Variants in NRG3 observed in about 807,000 individuals in gnomAD.
NRG3 encodes neuregulin 3, also known as pro-neuregulin-3, membrane-bound isoform.
NRG3 carries 31 observed loss-of-function variants against 66.9 expected under a neutral mutation model. That is an observed-to-expected ratio of 0.46 (90% confidence interval 0.35 to 0.63). The LOEUF (loss-of-function observed/expected upper bound fraction) is 0.63, where lower values mean the gene tolerates loss of function less well. NRG3 is among the 20% of genes least tolerant of loss of function. NRG3 has a pLI of 0.00. For missense variants in NRG3, 910 were observed against 878.9 expected (o/e 1.04, Z -0.45); for synonymous variants, 393 against 359.4 (o/e 1.09, Z -1.06).
At chr10:82,886,047 G>T (rs1165627849) in intron 4 of NRG3, among the ~76,000 whole-genome samples, 1 of 151,850 alleles carries the variant, frequency 6.6e-6, no homozygotes, top group African/African-American at 2.4e-5. Flanking sequence ...AATTTTTTTA[G>T]TAGAGACAGA....
intron 1 of NRG3, among the ~76,000 whole-genome samples, chr10:82,234,944 T>C (rs1398098820): frequency 6.6e-6 from 1 of 152,274 alleles, no homozygotes; most frequent in African/African-American, 2.4e-5. Flanking sequence ...GTATTTCTTA[T>C]TTTGGCAGAA....
chr10:82,311,201 T>G (rs887090225), intron 1 of NRG3, among the ~76,000 whole-genome samples: 2 of 152,224 alleles, frequency 1.3e-5, no homozygotes, highest in African/African-American at 4.8e-5. Flanking sequence ...TGCCTAGTAG[T>G]AAAGAGGAAG....
intron 2 of NRG3, among the ~76,000 whole-genome samples, chr10:82,459,052 A>G (rs2091397688): frequency 6.6e-6 from 1 of 152,126 alleles, no homozygotes; most frequent in African/African-American, 2.4e-5. Flanking sequence ...CTCCATCACC[A>G]TGGCAGGGCT....
At chr10:82,230,837 C>A (rs1442683098) in intron 1 of NRG3, among the ~76,000 whole-genome samples, 1 of 151,914 alleles carries the variant, frequency 6.6e-6, no homozygotes, top group Non-Finnish European at 1.5e-5. Flanking sequence ...AATTCTTCAT[C>A]TTTTATAGCT....
At chr10:82,251,695 G>A (rs540285677) in intron 1 of NRG3, among the ~76,000 whole-genome samples, 22 of 152,154 alleles carry the variant, frequency 1.4e-4, no homozygotes, top group Non-Finnish European at 2.8e-4. Flanking sequence ...AGGTGCCTTT[G>A]TTTAAATCGA....
chr10:82,150,826 C>T (rs573171540), intron 1 of NRG3, among the ~76,000 whole-genome samples: 2 of 152,116 alleles, frequency 1.3e-5, no homozygotes, highest in Admixed American at 6.6e-5. Context: ...TTTTTCTAAG[C>T]CTAGGACATT....
intron 2 of NRG3, among the ~76,000 whole-genome samples, chr10:82,471,125 A>T (rs184627203): frequency 1.2e-4 from 18 of 152,244 alleles, no homozygotes; most frequent in Non-Finnish European, 2.5e-4. Flanking sequence ...AGGCACACAG[A>T]CACTTCGAAG....
At chr10:82,980,368 T>C (rs548063758) in intron 8 of NRG3, among the ~76,000 whole-genome samples, 1 of 152,286 alleles carries the variant, frequency 6.6e-6, no homozygotes, top group East Asian at 1.9e-4. Context: ...TGTTATAATT[T>C]TTTCAGCAAT....
intron 2 of NRG3, among the ~76,000 whole-genome samples, chr10:82,555,115 A>G (rs1047619835): frequency 6.6e-6 from 1 of 152,178 alleles, no homozygotes; most frequent in African/African-American, 2.4e-5. Flanking sequence ...AGATATTGTG[A>G]GATCTCTAAT....
At chr10:82,055,775 A>C (rs1351688509) in intron 1 of NRG3, among the ~76,000 whole-genome samples, 1 of 152,156 alleles carries the variant, frequency 6.6e-6, no homozygotes, top group Admixed American at 6.6e-5. Context: ...GTTAATATGC[A>C]ACAATCTTAT....
intron 1 of NRG3, among the ~76,000 whole-genome samples, chr10:82,330,908 AG>A (rs2082110311): frequency 6.6e-6 from 1 of 152,172 alleles, no homozygotes; most frequent in African/African-American, 2.4e-5. Flanking sequence ...CTGGCCATCT[AG>A]TGGTCTAGTC....
intron 1 of NRG3, among the ~76,000 whole-genome samples, chr10:82,214,906 T>C (rs1370288628): frequency 2.0e-5 from 3 of 152,200 alleles, no homozygotes; most frequent in Non-Finnish European, 4.4e-5. Context: ...AGACTTTCTG[T>C]TTTTTCCAGC....
chr10:82,777,859 T>C (rs2059965376), intron 3 of NRG3, among the ~76,000 whole-genome samples: 1 of 152,170 alleles, frequency 6.6e-6, no homozygotes, highest in Non-Finnish European at 1.5e-5. Context: ...GGGGCACGGC[T>C]GTAGCTTGGA....
At chr10:82,806,922 T>TCAAA (rs1318349060) in intron 3 of NRG3, among the ~76,000 whole-genome samples, 17 of 152,192 alleles carry the variant, frequency 1.1e-4, no homozygotes, top group Non-Finnish European at 2.9e-5. Context: ...ATTTTATTTT[T>TCAAA]GAAGCACATC....
intron 2 of NRG3, among the ~76,000 whole-genome samples, chr10:82,418,372 T>A (rs2088750803): frequency 6.9e-6 from 1 of 144,894 alleles, no homozygotes; most frequent in Admixed American, 6.7e-5. Context: ...AAAGATGTAA[T>A]AAAAAATTAA....
chr10:82,679,853 T>G (rs2053984105), intron 2 of NRG3, among the ~76,000 whole-genome samples: 1 of 152,142 alleles, frequency 6.6e-6, no homozygotes, highest in Non-Finnish European at 1.5e-5. Context: ...TCTATGTTCT[T>G]ACCTACTGGA....
chr10:82,609,501 A>G (rs1046372560), intron 2 of NRG3, among the ~76,000 whole-genome samples: 12 of 152,240 alleles, frequency 7.9e-5, no homozygotes, highest in African/African-American at 2.6e-4. Context: ...TTTCTGTATC[A>G]GAGTAATGGT....
intron 2 of NRG3, among the ~76,000 whole-genome samples, chr10:82,615,072 C>G (rs564579412): frequency 4.6e-5 from 7 of 152,222 alleles, no homozygotes; most frequent in Middle Eastern, 3.4e-3. Flanking sequence ...ACCTGTGAGT[C>G]CAGATGTCAC....
intron 1 of NRG3, among the ~76,000 whole-genome samples, chr10:82,014,837 G>T (rs2061717807): frequency 6.6e-6 from 1 of 152,094 alleles, no homozygotes; most frequent in African/African-American, 2.4e-5. Context: ...TAACAGGCTA[G>T]AAAGAGGAAG....
Sources: gnomAD v4.1 joint callset for allele counts (sites outside exome capture counted in the v4.1 genomes callset) on GRCh38, gnomAD v4.1.1 for gene constraint, MANE v1.5 for transcripts, NCBI Gene and HGNC (gene_info 2026-07-23, HGNC 2026-07-21) for gene names.